PARP16: variants seen among roughly 807,000 people sequenced by gnomAD.
PARP16 encodes poly(ADP-ribose) polymerase family member 16, also known as protein mono-ADP-ribosyltransferase PARP16.
PARP16 carries 31 observed loss-of-function variants against 35.0 expected under a neutral mutation model. The ratio of observed to expected loss-of-function variants is 0.88; its 90% CI spans 0.66 to 1.19. PARP16 has a LOEUF of 1.19. PARP16 is among the 50% of genes most tolerant of loss of function. The pLI is 0.00. For missense variants in PARP16, 424 were observed against 411.2 expected, an observed-to-expected ratio of 1.03 and a Z score of -0.27; for synonymous variants, 162 against 169.5, an observed-to-expected ratio of 0.96 and a Z score of 0.34.
chr15:65,259,945 G>A (rs1231992203), intron 5 of PARP16, among the ~76,000 whole-genome samples: 3 of 152,196 alleles, frequency 2.0e-5, no homozygotes, highest in East Asian at 3.8e-4. Context: ...CCAAGCTGGG[G>A]AAATCCTCTT....
intron 3 of PARP16, among the ~76,000 whole-genome samples, chr15:65,245,626 C>T (rs541374633): frequency 2.6e-5 from 4 of 152,174 alleles, no homozygotes; most frequent in South Asian, 4.2e-4. Context: ...GCACCCAGGC[C>T]GCCAGCAATC....
rs1306275962 is a variant in PARP16 at position 65,259,226 on chromosome 15, C to A, written c.*181G>T. ...GTGAGGGACTAGTAGTCCCCGTTGACTGGAGTATGGCTGGGAACATCATCA... is the reference window on the plus strand; with the variant it reads ...GTGAGGGACTAGTAGTCCCCGTTGAATGGAGTATGGCTGGGAACATCATCA... On this transcript the variant is annotated 3_prime_UTR_variant, in exon 6 of 6. Coordinates refer to ENST00000649807, the MANE Select transcript of PARP16 (RefSeq NM_001316943.2). The A allele has an allele frequency of 1.2e-5, 8 of 652,814 alleles. No homozygotes were observed. The highest frequency in any genetic ancestry group is 1.9e-5 in the Non-Finnish European group (7 of 362,404). 40.4% of individuals were successfully genotyped at this position (652,814 alleles called of 1,614,324 possible).
intron 3 of PARP16, among the ~76,000 whole-genome samples, chr15:65,265,833 C>T (rs1013264763): frequency 1.3e-5 from 2 of 152,238 alleles, no homozygotes; most frequent in African/African-American, 2.4e-5. Context: ...ACCTGGAGAG[C>T]TTTTAAAGCA....
At chr15:65,261,495 G>A (rs1359422098) in intron 4 of PARP16, among the ~76,000 whole-genome samples, 4 of 145,886 alleles carry the variant, frequency 2.7e-5, no homozygotes, top group South Asian at 2.2e-4. Context: ...TGCTTTTTTC[G>A]TCCAGGCTGG....
intron 5 of PARP16, 115 bp from the exon 6 acceptor site, chr15:65,259,657 G>A: frequency 9.5e-7 from 1 of 1,048,294 alleles, no homozygotes; most frequent in Non-Finnish European, 1.4e-6. Context: ...TCCTTTGCCT[G>A]AGCCATGAAA....
intron 1 of PARP16, among the ~76,000 whole-genome samples, chr15:65,279,295 C>A (rs1341431321): frequency 6.6e-6 from 1 of 152,130 alleles, no homozygotes; most frequent in African/African-American, 2.4e-5. Context: ...ACAGTAAGTG[C>A]TATTAGTGTG....
downstream of PARP16, among the ~76,000 whole-genome samples, chr15:65,256,414 T>C (rs2089510598): frequency 6.7e-6 from 1 of 149,852 alleles, no homozygotes; most frequent in Admixed American, 6.7e-5. Flanking sequence ...CGGCTTTTTT[T>C]TTTTTTTTTT....
chr15:65,274,529 G>A lies in PARP16; in HGVS notation c.175-3457C>T, dbSNP rs190578258. 2.0e-5 allele frequency among the ~76,000 whole-genome samples: 3 copies of A among 151,002 alleles called. No homozygotes were observed. In the South Asian group the frequency reaches 6.3e-4, roughly 32 times the overall value. On this transcript the variant is annotated intron_variant, in intron 1 of 5. Coordinates refer to ENST00000649807, the MANE Select transcript of PARP16 (RefSeq NM_001316943.2). ...GTAGAAGATGCAGTGAGCCATGATT[G>A]TTCTACTGCACTCCAGCCTGGGTGA...
chr15:65,232,295 C>T (rs2088786683), downstream of PARP16, among the ~76,000 whole-genome samples: 1 of 152,256 alleles, frequency 6.6e-6, no homozygotes, highest in African/African-American at 2.4e-5. Context: ...CTTAAAGGAG[C>T]CCTGAGTTTC....
chr15:65,256,438 C>T (rs1307962046), downstream of PARP16, among the ~76,000 whole-genome samples: 4 of 131,782 alleles, frequency 3.0e-5, no homozygotes, highest in Non-Finnish European at 4.7e-5. Context: ...GATGGAGTCT[C>T]GCTCTGTCAC....
chr15:65,283,874 G>T (rs2090495768), intron 1 of PARP16, among the ~76,000 whole-genome samples: 1 of 152,178 alleles, frequency 6.6e-6, no homozygotes, highest in Non-Finnish European at 1.5e-5. Flanking sequence ...AGAAAATTGA[G>T]TATCTGAACC....
At position 65,279,620 on chromosome 15, in the gene PARP16, A is replaced by G. The variant is rs147417856; in HGVS notation, c.174+6633T>C. Among the ~76,000 whole-genome samples the G allele has an allele frequency of 9.6e-3, 1,468 of 152,320 alleles. 24 individuals carry two copies. Among genetic ancestry groups the G allele is most frequent in the African/African-American group, 0.034 (1,409 of 41,562 alleles). On this transcript the variant is annotated intron_variant, in intron 1 of 5. Coordinates refer to ENST00000649807, the MANE Select transcript of PARP16 (RefSeq NM_001316943.2). ...ATCTTTGAGAGGAGCAGAGAAATAA[A>G]AAGGTAATCTGAGAGATCAAGAATC...
intron 3 of PARP16, among the ~76,000 whole-genome samples, chr15:65,235,740 G>C (rs1359484466): frequency 6.6e-6 from 1 of 151,176 alleles, no homozygotes; most frequent in South Asian, 2.1e-4. Flanking sequence ...GCCTGGAGTC[G>C]AGGGGGCAGT....
rs749224058 is a variant in PARP16 at position 65,282,466 on chromosome 15, T to C, written c.174+3787A>G. ...TTCTCTGCATCATTTCAGTAACTCA[T>C]GTGACGTGGCAAAACGAGGCCTAAA... is the stretch of plus-strand genomic sequence containing the variant. On this transcript the variant is annotated intron_variant, in intron 1 of 5. Transcript: ENST00000649807. 2.0e-5 allele frequency: 3 copies of C among 152,248 alleles called. No homozygotes were observed. In the South Asian group the frequency reaches 6.2e-4, roughly 31 times the overall value. 9.4% of individuals were successfully genotyped at this position (152,248 alleles called of 1,614,324 possible).
chr15:65,246,995 AT>A (rs34236365), intron 3 of PARP16, among the ~76,000 whole-genome samples: 32,459 of 150,522 alleles, frequency 0.22, 4,170 homozygotes, highest in Admixed American at 0.31. Flanking sequence ...ATGCTCAACA[AT>A]TTTTTTTTTC....
chr15:65,244,781 T>C (rs569003831), intron 3 of PARP16, among the ~76,000 whole-genome samples: 24 of 152,380 alleles, frequency 1.6e-4, no homozygotes, highest in African/African-American at 5.3e-4. Flanking sequence ...ACTAACAGGA[T>C]GGCCTATTGG....
intron 3 of PARP16, among the ~76,000 whole-genome samples, chr15:65,235,941 T>C (rs2140710620): frequency 7.3e-6 from 1 of 137,286 alleles, no homozygotes; most frequent in Non-Finnish European, 1.5e-5. Flanking sequence ...CACTGCAACC[T>C]CCGCCTCTCA....
intron 5 of PARP16, among the ~76,000 whole-genome samples, chr15:65,259,967 G>T (rs1469164455): frequency 6.6e-6 from 1 of 152,186 alleles, no homozygotes; most frequent in East Asian, 1.9e-4. Flanking sequence ...GGCCCACTAG[G>T]AGATGATCTA....
At chr15:65,272,624 C>T (rs1220171475) in intron 1 of PARP16, among the ~76,000 whole-genome samples, 1 of 152,332 alleles carries the variant, frequency 6.6e-6, no homozygotes, top group East Asian at 1.9e-4. Flanking sequence ...CTCCTCTAAG[C>T]CCCTAAAGCC....
Sources: gnomAD v4.1 joint callset for allele counts (sites outside exome capture counted in the v4.1 genomes callset) on GRCh38, gnomAD v4.1.1 for gene constraint, MANE v1.5 for transcripts, NCBI Gene and HGNC (gene_info 2026-07-23, HGNC 2026-07-21) for gene names.